The following CUX1 variants were observed in gnomAD, a reference collection of about 807,000 sequenced individuals.
CUX1 encodes cut like homeobox 1, also known as protein CASP.
A neutral mutation model predicts 158.8 loss-of-function variants in CUX1; 31 were observed. That is an observed-to-expected ratio of 0.20 (90% CI 0.15 to 0.26). The LOEUF (loss-of-function observed/expected upper bound fraction) is 0.26. Among genes scored for constraint, CUX1 ranks in the 10% least tolerant of loss-of-function variants. The pLI is 1.00. For missense variants in CUX1, 1,589 were observed against 2,014.6 expected (o/e 0.79, Z 4.04); for synonymous variants, 879 against 862.1 (o/e 1.02, Z -0.34).
chr7:102,075,071 C>G (rs1826563982), intron 4 of CUX1, among the ~76,000 whole-genome samples: 1 of 152,062 alleles, frequency 6.6e-6, no homozygotes, highest in African/African-American at 2.4e-5. Flanking sequence ...GTTGGCCGGG[C>G]TGGTCTCGAA....
At chr7:101,977,427 T>A (rs546319213) in intron 2 of CUX1, among the ~76,000 whole-genome samples, 5 of 152,236 alleles carry the variant, frequency 3.3e-5, no homozygotes, top group Admixed American at 2.0e-4. Flanking sequence ...CCATTATTTT[T>A]AAATAAAAGG....
At chr7:101,867,616 A>G (rs2131414560) in intron 1 of CUX1, among the ~76,000 whole-genome samples, 1 of 152,308 alleles carries the variant, frequency 6.6e-6, no homozygotes, top group South Asian at 2.1e-4. Flanking sequence ...CCTCTGAAGG[A>G]GCGGGATGCT....
At chr7:102,115,407 C>T (rs999961678) in intron 8 of CUX1, 134 bp downstream of exon 8, 10 of 713,546 alleles carry the variant, frequency 1.4e-5, no homozygotes, top group African/African-American at 5.5e-5. Context: ...GAGTTACTTG[C>T]GTCGGTTCAA....
intron 2 of CUX1, among the ~76,000 whole-genome samples, chr7:101,971,110 A>G (rs1477416749): frequency 2.6e-5 from 4 of 152,234 alleles, no homozygotes; most frequent in Admixed American, 6.5e-5. Flanking sequence ...ATCTGGGGAG[A>G]CTGAGGCTCA....
chr7:101,821,341 C>CTTT (rs558871601), intron 1 of CUX1, among the ~76,000 whole-genome samples: 2 of 140,866 alleles, frequency 1.4e-5, no homozygotes, highest in Non-Finnish European at 1.6e-5. Context: ...TATTTTCTTT[C>CTTT]TTTTTTTTTT....
At chr7:102,113,338 A>C (rs1831125998) in intron 7 of CUX1, among the ~76,000 whole-genome samples, 1 of 151,988 alleles carries the variant, frequency 6.6e-6, no homozygotes, top group African/African-American at 2.4e-5. Context: ...CCCCGGGTTC[A>C]AGTGATTCTT....
intron 1 of CUX1, among the ~76,000 whole-genome samples, chr7:101,882,553 G>T (rs753755164): frequency 3.4e-4 from 52 of 152,316 alleles, no homozygotes; most frequent in Non-Finnish European, 4.1e-4. Flanking sequence ...TAAAGCCGGG[G>T]TGCTGTTCTT....
chr7:102,054,731 G>T (rs1309870392), intron 3 of CUX1, among the ~76,000 whole-genome samples: 1 of 152,112 alleles, frequency 6.6e-6, no homozygotes, highest in East Asian at 1.9e-4. Context: ...ACTTTGGGAG[G>T]CCAAGACGGG....
intron 1 of CUX1, among the ~76,000 whole-genome samples, chr7:101,899,489 T>C (rs1801910570): frequency 6.6e-6 from 1 of 152,024 alleles, no homozygotes; most frequent in Admixed American, 6.6e-5. Flanking sequence ...GAGGCAGAGG[T>C]TGCAGTGAGT....
chr7:102,151,807 C>T (rs1304858057), intron 8 of CUX1, among the ~76,000 whole-genome samples: 1 of 148,628 alleles, frequency 6.7e-6, no homozygotes, highest in African/African-American at 2.5e-5. Context: ...TGGTCCTGGT[C>T]TGCAAACACT....
At chr7:102,116,501 C>T (rs1481009300) in intron 8 of CUX1, among the ~76,000 whole-genome samples, 6 of 151,994 alleles carry the variant, frequency 3.9e-5, no homozygotes, top group Non-Finnish European at 5.9e-5. Context: ...TATATTTCAC[C>T]GAGCATGGCA....
chr7:102,015,707 C>T (rs766669197), intron 2 of CUX1, among the ~76,000 whole-genome samples: 13 of 152,142 alleles, frequency 8.5e-5, no homozygotes, highest in South Asian at 6.2e-4. Context: ...TATAAAAGTT[C>T]GTGGCTCCTT....
chr7:101,933,413 G>C (rs1189299093), intron 2 of CUX1, among the ~76,000 whole-genome samples: 1 of 152,090 alleles, frequency 6.6e-6, no homozygotes, highest in Non-Finnish European at 1.5e-5. Flanking sequence ...TTTTAAAAAA[G>C]AATTCAGAGC....
intron 12 of CUX1, among the ~76,000 whole-genome samples, chr7:102,191,692 G>A (rs1331300469): frequency 1.3e-5 from 2 of 152,064 alleles, no homozygotes; most frequent in Non-Finnish European, 2.9e-5. Flanking sequence ...GTTAGTCGTC[G>A]TCTTCATTGT....
chr7:101,985,336 C>T (rs965044433), intron 2 of CUX1, among the ~76,000 whole-genome samples: 4 of 152,252 alleles, frequency 2.6e-5, no homozygotes, highest in South Asian at 4.1e-4. Context: ...GGGGGAGACA[C>T]AGACAGGCCC....
At chr7:102,196,534 G>C in intron 14 of CUX1, 100 bp from the exon 15 acceptor site, 1 of 1,172,418 alleles carries the variant, frequency 8.5e-7, no homozygotes, top group Non-Finnish European at 1.2e-6. Context: ...ACTTTTTTTT[G>C]TTTTCCCTTT....
chr7:102,019,144 C>T (rs924676261), intron 2 of CUX1, among the ~76,000 whole-genome samples: 15 of 152,190 alleles, frequency 9.9e-5, no homozygotes, highest in African/African-American at 1.9e-4. Context: ...TTATCCTCCT[C>T]GGTCCACATT....
chr7:101,913,300 G>C (rs576703343), intron 1 of CUX1: 1 of 1,163,122 alleles, frequency 8.6e-7, no homozygotes, highest in African/African-American at 1.6e-5. Context: ...GTTAAATTTG[G>C]AGACCCCCGT....
intron 2 of CUX1, among the ~76,000 whole-genome samples, chr7:101,998,354 A>G (rs1816237924): frequency 6.6e-6 from 1 of 152,234 alleles, no homozygotes; most frequent in Non-Finnish European, 1.5e-5. Flanking sequence ...CTGTAGGTGC[A>G]CATTTACCGA....
Sources: allele counts gnomAD v4.1 joint callset (sites outside exome capture counted in the v4.1 genomes callset), GRCh38; gene constraint gnomAD v4.1.1; transcripts MANE v1.5; gene names NCBI Gene and HGNC (gene_info 2026-07-23, HGNC 2026-07-21).